Variants in OCIAD1 observed in about 807,000 individuals in gnomAD.
OCIAD1 encodes the protein OCIA domain-containing protein 1.
OCIAD1 carries 29 observed loss-of-function variants against 38.9 expected under a neutral mutation model. That is an observed-to-expected ratio of 0.74 (90% confidence interval 0.55 to 1.02). The LOEUF is 1.02. OCIAD1 is among the 50% of genes least tolerant of loss of function. The pLI is 0.00. For missense variants in OCIAD1, 288 were observed against 289.6 expected (o/e 0.99, Z 0.04); for synonymous variants, 110 against 92.0 (o/e 1.20, Z -1.12).
chr4:48,819,939 C>G (rs1360905968), intron 1 of OCIAD1, among the ~76,000 whole-genome samples: 1 of 151,978 alleles, frequency 6.6e-6, no homozygotes, highest in African/African-American at 2.4e-5. Context: ...TGGACTCCCA[C>G]GCAATAATAA....
upstream of OCIAD1, among the ~76,000 whole-genome samples, chr4:48,827,669 A>G (rs1365217317): frequency 6.6e-6 from 1 of 152,270 alleles, no homozygotes; most frequent in Non-Finnish European, 1.5e-5. Context: ...GAAGGAGCTC[A>G]TAGTCTTTTA....
At chr4:48,837,526 T>A (rs1326146153) in intron 3 of OCIAD1, among the ~76,000 whole-genome samples, 1 of 151,798 alleles carries the variant, frequency 6.6e-6, no homozygotes, top group Non-Finnish European at 1.5e-5. Flanking sequence ...CTCCTGACCT[T>A]GTGATCTGCC....
chr4:48,824,430 G>C (rs1261245152), intron 1 of OCIAD1, among the ~76,000 whole-genome samples: 2 of 152,050 alleles, frequency 1.3e-5, no homozygotes, highest in Admixed American at 1.3e-4. Flanking sequence ...GCTCAGGCTG[G>C]AGTGTACAGG....
At chr4:48,841,690 G>C (rs540190872) in intron 3 of OCIAD1, among the ~76,000 whole-genome samples, 1 of 152,216 alleles carries the variant, frequency 6.6e-6, no homozygotes, top group East Asian at 1.9e-4. Flanking sequence ...CAAGTACCAA[G>C]ACCAAATTGA....
Position 48,819,716 on chromosome 4 carries a change from C to CAAAAAAAAAAAA in OCIAD1, c.-102-10844_-102-10833dup, listed in dbSNP as rs576081813. Among the ~76,000 whole-genome samples, 71 of 10,450 alleles carry CAAAAAAAAAAAA rather than the reference C, an allele frequency of 6.8e-3. 23 individuals carry two copies. The highest frequency in any genetic ancestry group is 0.011 in the Non-Finnish European group (63 of 5,678). 6.9% of individuals were successfully genotyped at this position (10,450 alleles called of 152,430 possible). A position where few individuals can be genotyped will look rare whatever the true frequency, so the allele number is the denominator to read the frequency against. On this transcript the variant is annotated intron_variant, in intron 1 of 6. Transcript: ENST00000504654. ...GAGACGGAGGAATATTTACCAAGCG[C>CAAAAAAAAAAAA]AAAAAAAAAAAAAAAAAAAAAAAAA...
chr4:48,809,553 A>T (rs996564030), intron 1 of OCIAD1, among the ~76,000 whole-genome samples: 5 of 152,070 alleles, frequency 3.3e-5, no homozygotes, highest in Admixed American at 2.0e-4. Context: ...AAAAATAAAT[A>T]AAAAAAGTTA....
At chr4:48,853,030 C>A (rs1054505003) in intron 7 of OCIAD1, among the ~76,000 whole-genome samples, 3 of 151,794 alleles carry the variant, frequency 2.0e-5, no homozygotes, top group African/African-American at 7.2e-5. Context: ...CAGGTGCCCG[C>A]CACCACGCTC....
At chr4:48,816,629 G>T (rs1777146374) in intron 1 of OCIAD1, among the ~76,000 whole-genome samples, 1 of 152,004 alleles carries the variant, frequency 6.6e-6, no homozygotes, top group Non-Finnish European at 1.5e-5. Flanking sequence ...TAAAACTTGG[G>T]CTTGCTTCTC....
chr4:48,832,699 T>G lies in OCIAD1; in HGVS notation c.58+17T>G. ...CAATTCCCCGTAACTATCTATTAAG[T>G]ATTTATAATTAGAAGCACTTCCTAT... is the stretch of plus-strand genomic sequence containing the variant. On this transcript the variant is annotated intron_variant, in intron 2 of 8. Transcript: ENST00000264312. 6.3e-7 allele frequency: 1 copy of G among 1,585,692 alleles called. No homozygotes were observed. Among genetic ancestry groups the G allele is most frequent in the Non-Finnish European group, 8.7e-7 (1 of 1,154,208 alleles).
At chr4:48,805,805 AT>A (rs1227402055) in intron 1 of OCIAD1, among the ~76,000 whole-genome samples, 1 of 152,096 alleles carries the variant, frequency 6.6e-6, no homozygotes, top group Admixed American at 6.6e-5. Context: ...GAGCAATTTT[AT>A]TTTTGTATTT....
intron 4 of OCIAD1, among the ~76,000 whole-genome samples, chr4:48,847,338 G>A (rs1779058945): frequency 6.6e-6 from 1 of 151,974 alleles, no homozygotes; most frequent in South Asian, 2.1e-4. Flanking sequence ...GTATACTTTG[G>A]AATTGAGTCT....
chr4:48,831,847 GTCC>G (rs1441778150), intron 1 of OCIAD1, among the ~76,000 whole-genome samples: 1 of 152,126 alleles, frequency 6.6e-6, no homozygotes, highest in Non-Finnish European at 1.5e-5. Flanking sequence ...CTCAGTTGCT[GTCC>G]TCATTGTGTA....
At chr4:48,812,823 G>A (rs1175425690) in intron 1 of OCIAD1, among the ~76,000 whole-genome samples, 1 of 152,214 alleles carries the variant, frequency 6.6e-6, no homozygotes, top group Non-Finnish European at 1.5e-5. Flanking sequence ...TTTTCTTGCT[G>A]TTAAAGCTGA....
chr4:48,844,466 A>G (rs1222930919), intron 4 of OCIAD1, among the ~76,000 whole-genome samples: 1 of 152,042 alleles, frequency 6.6e-6, no homozygotes, highest in African/African-American at 2.4e-5. Flanking sequence ...ATACAAAAAA[A>G]TTAGCCGGGC....
intron 1 of OCIAD1, among the ~76,000 whole-genome samples, chr4:48,832,073 A>G (rs1360471234): frequency 6.6e-6 from 1 of 152,198 alleles, no homozygotes; most frequent in Non-Finnish European, 1.5e-5. Context: ...GAGATACAGA[A>G]TTTGCTGTTA....
intron 4 of OCIAD1, among the ~76,000 whole-genome samples, chr4:48,847,240 A>G (rs1579087409): frequency 1.3e-5 from 2 of 152,120 alleles, no homozygotes. Context: ...ATTTCAGCAT[A>G]TCTTTTTCTG....
chr4:48,818,392 A>AC (rs930921500), intron 1 of OCIAD1, among the ~76,000 whole-genome samples: 44 of 152,094 alleles, frequency 2.9e-4, no homozygotes, highest in Admixed American at 1.7e-3. Context: ...AGCATAAAGG[A>AC]CCCCCACGTA....
chr4:48,814,936 C>G (rs1048553907), intron 1 of OCIAD1, among the ~76,000 whole-genome samples: 23 of 152,222 alleles, frequency 1.5e-4, no homozygotes, highest in South Asian at 6.2e-4. Context: ...AAAAGGAAAA[C>G]AAGAACAAAA....
At chr4:48,814,277 A>G (rs1451929398) in intron 1 of OCIAD1, among the ~76,000 whole-genome samples, 1 of 151,370 alleles carries the variant, frequency 6.6e-6, no homozygotes, top group Non-Finnish European at 1.5e-5. Flanking sequence ...CTGCCTGAAA[A>G]TGAAACTGTC....
Sources: gnomAD v4.1 joint callset for allele counts (sites outside exome capture counted in the v4.1 genomes callset) on GRCh38, gnomAD v4.1.1 for gene constraint, MANE v1.5 for transcripts, NCBI Gene and HGNC (gene_info 2026-07-23, HGNC 2026-07-21) for gene names.